The following ROR2 variants were observed in gnomAD, a reference collection of about 807,000 sequenced individuals.
The protein encoded by ROR2 is tyrosine-protein kinase transmembrane receptor ROR2.
In ROR2, 33 loss-of-function variants were observed where a neutral mutation model predicts 74.9. That is an observed-to-expected ratio of 0.44 (90% confidence interval 0.33 to 0.59). ROR2 has a LOEUF of 0.59. Ranked by LOEUF, ROR2 falls within the 20% of genes least tolerant of loss-of-function variation. ROR2 has a pLI of 0.02. For synonymous variants in ROR2, 586 were observed against 558.7 expected (o/e 1.05, Z -0.69); for missense variants, 1,216 against 1,313.8 (o/e 0.93, Z 1.15).
intron 1 of ROR2, among the ~76,000 whole-genome samples, chr9:91,923,060 G>A (rs1831313604): frequency 6.6e-6 from 1 of 152,118 alleles, no homozygotes; most frequent in Non-Finnish European, 1.5e-5. Context: ...AAGAATAGAT[G>A]TCTGTTACCT....
At chr9:91,850,411 G>A (rs1057508889) in intron 1 of ROR2, among the ~76,000 whole-genome samples, 2 of 140,090 alleles carry the variant, frequency 1.4e-5, no homozygotes, top group Non-Finnish European at 3.1e-5. Context: ...ATGAAGAGAC[G>A]ACCCTGGACA....
At chr9:91,913,383 TTC>T (rs1491363886) in intron 1 of ROR2, among the ~76,000 whole-genome samples, 6 of 152,248 alleles carry the variant, frequency 3.9e-5, no homozygotes, top group East Asian at 1.9e-4. Flanking sequence ...TTGATTTTTT[TTC>T]TCTCTTTGTT....
At chr9:91,862,820 C>T (rs1829510768) in intron 1 of ROR2, among the ~76,000 whole-genome samples, 1 of 152,208 alleles carries the variant, frequency 6.6e-6, no homozygotes, top group South Asian at 2.1e-4. Flanking sequence ...GTTTAAGCCC[C>T]CCAGTCTACG....
rs1825799313 is a variant in ROR2 at position 91,757,570 on chromosome 9, G to C, written c.176-11C>G. ...AATTCAGAAAGTAACCTGCCAAGGA[G>C]AGCGGTCACAAAAGAGCAAGCGTCA... On this transcript the variant is annotated splice_polypyrimidine_tract_variant and intron_variant, in intron 2 of 8. Transcript: ENST00000375708. The C allele has an allele frequency of 6.2e-7, 1 of 1,612,326 alleles. No individual in the cohort carries two copies. The highest frequency in any genetic ancestry group is 8.5e-7 in the Non-Finnish European group (1 of 1,179,468).
chr9:91,895,364 A>T (rs755660122), intron 1 of ROR2, among the ~76,000 whole-genome samples: 2 of 152,170 alleles, frequency 1.3e-5, no homozygotes, highest in African/African-American at 2.4e-5. Flanking sequence ...CCCACAGAAC[A>T]TACAGCACCA....
intron 1 of ROR2, among the ~76,000 whole-genome samples, chr9:91,928,435 G>A (rs533009401): frequency 1.9e-4 from 29 of 152,296 alleles, no homozygotes; most frequent in Middle Eastern, 6.8e-3. Flanking sequence ...CACCCACCAC[G>A]GTGTGGGACT....
intron 1 of ROR2, among the ~76,000 whole-genome samples, chr9:91,824,327 C>T (rs764858177): frequency 2.6e-5 from 4 of 152,220 alleles, no homozygotes; most frequent in Non-Finnish European, 2.9e-5. Flanking sequence ...GTGCTTCCTG[C>T]TAGAGGGGCC....
In ROR2 at chr9:91,857,014, T is replaced by G. The variant is rs529271077; in HGVS notation, c.98-81196A>C. On this transcript the variant is annotated intron_variant, in intron 1 of 8. Coordinates refer to ENST00000375708, the MANE Select transcript of ROR2 (RefSeq NM_004560.4). Reference sequence around the variant, plus strand: ...CCCTGTCTTGAGTCTCCAGAATCCGTGTTCACTCCCAGAGCCTGTGTTCAC... The same window carrying G: ...CCCTGTCTTGAGTCTCCAGAATCCGGGTTCACTCCCAGAGCCTGTGTTCAC... Among the ~76,000 whole-genome samples, 13 of 152,318 alleles carry G rather than the reference T, an allele frequency of 8.5e-5. No individual in the cohort carries two copies. In the East Asian group the frequency reaches 2.3e-3, roughly 27 times the overall value.
At chr9:91,838,918 G>C (rs779543347) in intron 1 of ROR2, among the ~76,000 whole-genome samples, 1 of 152,312 alleles carries the variant, frequency 6.6e-6, no homozygotes, top group Non-Finnish European at 1.5e-5. Flanking sequence ...GCAGAAACTA[G>C]AGAGAAGTTC....
chr9:91,826,471 A>T (rs1331964178), intron 1 of ROR2, among the ~76,000 whole-genome samples: 1 of 152,198 alleles, frequency 6.6e-6, no homozygotes, highest in Non-Finnish European at 1.5e-5. Context: ...TGCAGAAATC[A>T]GTGGTTAGTT....
intron 1 of ROR2, among the ~76,000 whole-genome samples, chr9:91,839,288 G>GTA (rs1421608566): frequency 1.4e-5 from 2 of 143,678 alleles, no homozygotes; most frequent in Non-Finnish European, 3.0e-5. Context: ...GTGTGTGTGT[G>GTA]TGTGTGTAAG....
At chr9:91,816,916 C>A (rs1827959014) in intron 1 of ROR2, among the ~76,000 whole-genome samples, 1 of 152,150 alleles carries the variant, frequency 6.6e-6, no homozygotes, top group East Asian at 1.9e-4. Flanking sequence ...AGCTGCCCTA[C>A]CTTAAGTTGA....
At chr9:91,800,019 T>C (rs1367820684) in intron 1 of ROR2, among the ~76,000 whole-genome samples, 1 of 152,172 alleles carries the variant, frequency 6.6e-6, no homozygotes, top group Non-Finnish European at 1.5e-5. Flanking sequence ...TGGACATTTG[T>C]TCATTCATAA....
chr9:91,872,685 A>G (rs1233905285), intron 1 of ROR2, among the ~76,000 whole-genome samples: 1 of 152,182 alleles, frequency 6.6e-6, no homozygotes, highest in Non-Finnish European at 1.5e-5. Flanking sequence ...GTTTTATTAT[A>G]TTACAGAGGC....
chr9:91,814,350 G>A (rs1827855790), intron 1 of ROR2, among the ~76,000 whole-genome samples: 1 of 152,148 alleles, frequency 6.6e-6, no homozygotes, highest in South Asian at 2.1e-4. Flanking sequence ...AACCACTCCT[G>A]TCCGTTCGTC....
chr9:91,813,832 G>A (rs970482981), intron 1 of ROR2, among the ~76,000 whole-genome samples: 4 of 152,102 alleles, frequency 2.6e-5, no homozygotes, highest in Non-Finnish European at 4.4e-5. Context: ...GGAAAAATGA[G>A]GCTTCCCCAT....
At chr9:91,912,525 A>T (rs1474920864) in intron 1 of ROR2, among the ~76,000 whole-genome samples, 1 of 152,146 alleles carries the variant, frequency 6.6e-6, no homozygotes, top group Non-Finnish European at 1.5e-5. Flanking sequence ...AAAATATATT[A>T]AAAATAAAAT....
Position 91,725,047 on chromosome 9 carries a change from G to A in ROR2, c.1447C>T (p.Arg483Trp), listed in dbSNP as rs1428165900. 7 of 1,614,000 alleles carry A rather than the reference G, an allele frequency of 4.3e-6. No homozygotes were observed. The South Asian group carries it at 4.4e-5, about 10-fold the overall frequency. Residue 483 changes from arginine to tryptophan, a missense_variant, in exon 9 of 9, where the codon CGG (arginine) becomes TGG (tryptophan). Transcript: ENST00000375708. Reference protein sequence around the residue: ...VRFMEELGEDRFGKVYKGHLF... With the variant: ...VRFMEELGEDWFGKVYKGHLF... The stretch of plus-strand genomic sequence containing the variant: ...TGACCTTTGTAGACTTTCCCAAACC[G>A]GTCCTCTCCCAGCTCCTCCATGAAC...
intron 1 of ROR2, among the ~76,000 whole-genome samples, chr9:91,904,548 C>T (rs1347776670): frequency 1.3e-5 from 2 of 152,200 alleles, no homozygotes; most frequent in African/African-American, 4.8e-5. Context: ...GAGGGTGGCC[C>T]AGCCTTGTGG....
Sources: allele counts gnomAD v4.1 joint callset (sites outside exome capture counted in the v4.1 genomes callset), GRCh38; gene constraint gnomAD v4.1.1; transcripts MANE v1.5; gene names NCBI Gene and HGNC (gene_info 2026-07-23, HGNC 2026-07-21).